Variants in EFNA5 observed in about 807,000 individuals in gnomAD.
The protein encoded by EFNA5 is ephrin A5.
Under a neutral mutation model 22.9 loss-of-function variants are expected in EFNA5, and 5 were observed. That is an observed-to-expected ratio of 0.22 (90% confidence interval 0.11 to 0.46). The LOEUF is 0.46. EFNA5 is among the 20% of genes least tolerant of loss of function. The pLI, the probability that EFNA5 is intolerant of heterozygous loss-of-function variation, is 0.99. For synonymous variants in EFNA5, 113 were observed against 112.2 expected, an observed-to-expected ratio of 1.01 and a Z score of -0.04; for missense variants, 237 against 293.3, an observed-to-expected ratio of 0.81 and a Z score of 1.40.
At chr5:107,652,869 T>C (rs1750759492) in intron 1 of EFNA5, among the ~76,000 whole-genome samples, 1 of 152,104 alleles carries the variant, frequency 6.6e-6, no homozygotes, top group Non-Finnish European at 1.5e-5. Context: ...CTGTTCCATA[T>C]TTAAATGATT....
At chr5:107,575,108 A>G (rs1489124006) in intron 1 of EFNA5, among the ~76,000 whole-genome samples, 1 of 152,220 alleles carries the variant, frequency 6.6e-6, no homozygotes, top group Non-Finnish European at 1.5e-5. Flanking sequence ...AACAAAGAAT[A>G]AAAACGGAAT....
chr5:107,401,034 T>C (rs886873706), intron 2 of EFNA5, among the ~76,000 whole-genome samples: 17 of 152,204 alleles, frequency 1.1e-4, no homozygotes, highest in Non-Finnish European at 4.4e-5. Flanking sequence ...AATAAATCAA[T>C]GATGCATTTT....
At chr5:107,578,394 C>G (rs972637214) in intron 1 of EFNA5, among the ~76,000 whole-genome samples, 1 of 152,040 alleles carries the variant, frequency 6.6e-6, no homozygotes, top group Non-Finnish European at 1.5e-5. Flanking sequence ...GGGGTGGTTT[C>G]GGGCAAGGAG....
intron 1 of EFNA5, among the ~76,000 whole-genome samples, chr5:107,575,097 T>C (rs186353412): frequency 4.6e-5 from 7 of 152,292 alleles, no homozygotes; most frequent in Non-Finnish European, 8.8e-5. Context: ...TCTTCAAACG[T>C]AACAAAGAAT....
intron 1 of EFNA5, among the ~76,000 whole-genome samples, chr5:107,539,573 C>T (rs970556664): frequency 9.2e-5 from 14 of 152,200 alleles, no homozygotes; most frequent in Admixed American, 9.2e-4. Flanking sequence ...ACTCTCCTGT[C>T]TCAGCCTCCC....
At chr5:107,621,720 T>G (rs1382004314) in intron 1 of EFNA5, among the ~76,000 whole-genome samples, 2 of 152,198 alleles carry the variant, frequency 1.3e-5, no homozygotes, top group Non-Finnish European at 2.9e-5. Flanking sequence ...CTAGAAAACA[T>G]GTAATTATTA....
At chr5:107,387,382 CT>C (rs751354023) in intron 3 of EFNA5, 67 bp from the exon 4 acceptor site, 1 of 1,080,674 alleles carries the variant, frequency 9.3e-7, no homozygotes, top group Admixed American at 2.4e-5. Context: ...CCATTTCTTT[CT>C]TTTTTCTTTC....
intron 1 of EFNA5, among the ~76,000 whole-genome samples, chr5:107,437,465 G>A (rs1749144809): frequency 6.6e-6 from 1 of 152,192 alleles, no homozygotes; most frequent in Non-Finnish European, 1.5e-5. Flanking sequence ...ACGAGGTGGT[G>A]ATCGTAGTCA....
At chr5:107,475,357 G>C (rs1007372168) in intron 1 of EFNA5, among the ~76,000 whole-genome samples, 3 of 152,198 alleles carry the variant, frequency 2.0e-5, no homozygotes, top group Non-Finnish European at 4.4e-5. Flanking sequence ...AGCTAGCAAA[G>C]TGTGAAACGG....
chr5:107,607,843 T>C (rs945633296), intron 1 of EFNA5, among the ~76,000 whole-genome samples: 6 of 152,132 alleles, frequency 3.9e-5, no homozygotes, highest in African/African-American at 1.4e-4. Flanking sequence ...TAAAAAGACC[T>C]GGACCAGACA....
At chr5:107,519,648 C>T (rs781321202) in intron 1 of EFNA5, among the ~76,000 whole-genome samples, 2 of 152,046 alleles carry the variant, frequency 1.3e-5, no homozygotes, top group Non-Finnish European at 2.9e-5. Context: ...GGGCATGGAG[C>T]GAAGCGATCC....
At chr5:107,403,590 C>G (rs898561993) in intron 2 of EFNA5, among the ~76,000 whole-genome samples, 2 of 152,110 alleles carry the variant, frequency 1.3e-5, no homozygotes, top group African/African-American at 4.8e-5. Context: ...AGTTATTTGT[C>G]TAAATTAAAG....
chr5:107,482,870 CTATATATATATA>C (rs72399506), intron 1 of EFNA5, among the ~76,000 whole-genome samples: 1 of 59,126 alleles, frequency 1.7e-5, no homozygotes, highest in African/African-American at 7.7e-5. Flanking sequence ...CTCTCTCTCT[CTATATATATATA>C]TATATATATA....
At chr5:107,388,151 A>G (rs957784263) in intron 2 of EFNA5, among the ~76,000 whole-genome samples, 4 of 152,336 alleles carry the variant, frequency 2.6e-5, no homozygotes, top group Admixed American at 1.3e-4. Context: ...CCTCTGCTGC[A>G]GGAAAAGGGG....
rs557661756 is a variant in EFNA5 at position 107,376,952 on chromosome 5, T to A, written c.*4303A>T. 6.6e-6 allele frequency: 1 copy of A among 151,988 alleles called. No individual in the cohort carries two copies. The highest frequency in any genetic ancestry group is 2.1e-4 in the South Asian group (1 of 4,814). 9.4% of individuals were successfully genotyped at this position (151,988 alleles called of 1,614,324 possible). ...TTATACTTGTACGGACACGTGTATATACAAATACAGATCGTATGGGTTTGT... is the reference window on the plus strand; with the variant it reads ...TTATACTTGTACGGACACGTGTATAAACAAATACAGATCGTATGGGTTTGT... On this transcript the variant is annotated 3_prime_UTR_variant, in exon 5 of 5. Transcript: ENST00000333274.
At chr5:107,567,832 G>C (rs116250572) in intron 1 of EFNA5, among the ~76,000 whole-genome samples, 1,567 of 152,334 alleles carry the variant, frequency 0.01, 17 homozygotes, top group Non-Finnish European at 0.018. Context: ...GCAAAGTAGC[G>C]AGTGGCTGGG....
At chr5:107,628,902 G>A (rs1750190757) in intron 1 of EFNA5, among the ~76,000 whole-genome samples, 1 of 152,090 alleles carries the variant, frequency 6.6e-6, no homozygotes, top group Non-Finnish European at 1.5e-5. Flanking sequence ...AGAAAGGATG[G>A]ACAAACTATC....
intron 1 of EFNA5, among the ~76,000 whole-genome samples, chr5:107,669,051 G>T (rs1354315659): frequency 6.6e-6 from 1 of 152,032 alleles, no homozygotes; most frequent in Non-Finnish European, 1.5e-5. Flanking sequence ...CGGGATAGGG[G>T]GAACTCCCTC....
intron 1 of EFNA5, among the ~76,000 whole-genome samples, chr5:107,529,552 T>C (rs6860521): frequency 2.0e-5 from 3 of 152,194 alleles, no homozygotes; most frequent in Non-Finnish European, 2.9e-5. Flanking sequence ...GGAAAAGGCA[T>C]GGAGGCAACA....
Sources: allele counts gnomAD v4.1 joint callset (sites outside exome capture counted in the v4.1 genomes callset), GRCh38; gene constraint gnomAD v4.1.1; transcripts MANE v1.5; gene names NCBI Gene and HGNC (gene_info 2026-07-23, HGNC 2026-07-21).